Variants in SLC30A10 observed in about 807,000 individuals in gnomAD.
SLC30A10 encodes the protein solute carrier family 30 member 10, also known as calcium/manganese antiporter SLC30A10.
Under a neutral mutation model 21.7 loss-of-function variants are expected in SLC30A10, and 8 were observed. That is an observed-to-expected ratio of 0.37 (90% CI 0.22 to 0.67). The LOEUF is 0.67. Ranked by LOEUF, SLC30A10 falls within the 30% of genes least tolerant of loss-of-function variation. SLC30A10 has a pLI of 0.58. For synonymous variants in SLC30A10, 272 were observed against 279.4 expected (o/e 0.97, Z 0.26); for missense variants, 521 against 642.5 (o/e 0.81, Z 2.04).
chr1:219,953,832 G>A (rs1000410003), intron 1 of SLC30A10, among the ~76,000 whole-genome samples: 3 of 150,766 alleles, frequency 2.0e-5, no homozygotes, highest in African/African-American at 7.3e-5. Flanking sequence ...TCAGCCTCCC[G>A]AGTAGCTGGG....
intron 1 of SLC30A10, among the ~76,000 whole-genome samples, chr1:219,949,271 G>A (rs1391945493): frequency 6.6e-6 from 1 of 151,778 alleles, no homozygotes; most frequent in Non-Finnish European, 1.5e-5. Flanking sequence ...ATACCCAAAG[G>A]ACTATAAATC....
intron 1 of SLC30A10, among the ~76,000 whole-genome samples, chr1:219,956,675 A>G (rs950632495): frequency 1.3e-4 from 20 of 151,822 alleles, no homozygotes; most frequent in Admixed American, 5.3e-4. Flanking sequence ...AAAAAAAAAA[A>G]AAGAAGAAAA....
In SLC30A10 at chr1:219,937,878, T is replaced by G. The variant is rs183108726; in HGVS notation, n.81-10773A>C. ...CTTCTAGCTCACTGATGGTTTTCAG[T>G]GGTGCTTATTTTATGCCTCACTGCT... On this transcript the variant is annotated intron_variant and non_coding_transcript_variant, in intron 1 of 8. Transcript: ENST00000484239. Among the ~76,000 whole-genome samples the G allele has an allele frequency of 2.6e-5, 4 of 152,328 alleles. No individual in the cohort carries two copies. In the East Asian group the frequency reaches 7.7e-4, roughly 29 times the overall value.
Position 219,928,141 on chromosome 1 carries a change from G to A in SLC30A10, c.300C>T (p.Ala100=). ...GCTCGGGCCGGGCCAGGCGCAGCAC[G>A]GCCTCCACGAAGATGGTGAAGCAGA... is the stretch of plus-strand genomic sequence containing the variant. The part of the protein sequence containing the change: ...TALCFTIFVE[A]VLRLARPERI... The change falls in exon 1 of 4, where the codon GCC becomes GCT. Residue 100 remains alanine (A), a synonymous_variant. Coordinates refer to ENST00000366926, the MANE Select transcript of SLC30A10 (RefSeq NM_018713.3). The surrounding 1 kb of genome is among the most constrained non-coding windows in gnomAD (Gnocchi z 6.3). The A allele has an allele frequency of 6.4e-7, 1 of 1,562,810 alleles. No homozygotes were observed. The highest frequency in any genetic ancestry group is 8.7e-7 in the Non-Finnish European group (1 of 1,154,024).
At chr1:219,951,324 CTT>C (rs1480479978) in intron 1 of SLC30A10, among the ~76,000 whole-genome samples, 1 of 151,964 alleles carries the variant, frequency 6.6e-6, no homozygotes, top group East Asian at 1.9e-4. Context: ...GCTTAAGTAT[CTT>C]TTCCAGTGTC....
At chr1:219,917,673 A>T (rs1313398788) in intron 3 of SLC30A10, among the ~76,000 whole-genome samples, 1 of 144,732 alleles carries the variant, frequency 6.9e-6, no homozygotes, top group Non-Finnish European at 1.5e-5. Context: ...AATAGGTATT[A>T]TCCAAGCATT....
At position 219,927,658 on chromosome 1, in the gene SLC30A10, A is replaced by C. The variant is rs1268383831; in HGVS notation, c.640+143T>G. 1.9e-4 allele frequency: 115 copies of C among 589,860 alleles called. No homozygotes were observed. The East Asian group carries it at 3.4e-3, about 18-fold the overall frequency. The allele number at this position is 589,860 out of a possible 1,614,324, so 36.5% of individuals were successfully genotyped here. ...TTTATTAAAAAAAAAAAAAAAAAAA[A>C]AAAAAAAAAACAACAACAACAAAAA... On this transcript the variant is annotated intron_variant, in intron 1 of 3. Transcript: ENST00000366926.
At chr1:219,955,622 T>C (rs941107416) in intron 1 of SLC30A10, among the ~76,000 whole-genome samples, 2 of 152,120 alleles carry the variant, frequency 1.3e-5, no homozygotes, top group African/African-American at 4.8e-5. Context: ...ATCTCAAACA[T>C]CAAATATTAT....
chr1:219,934,686 T>C (rs1660023911), intron 1 of SLC30A10, among the ~76,000 whole-genome samples: 2 of 152,170 alleles, frequency 1.3e-5, no homozygotes, highest in African/African-American at 4.8e-5. Context: ...CCATGAGATA[T>C]GGAATGATAA....
chr1:219,938,507 A>G (rs1401816446), intron 1 of SLC30A10, among the ~76,000 whole-genome samples: 3 of 152,206 alleles, frequency 2.0e-5, no homozygotes, highest in African/African-American at 7.2e-5. Flanking sequence ...CAATCCTGCT[A>G]CATGAGAGAA....
chr1:219,935,062 T>A (rs1660028918), intron 1 of SLC30A10, among the ~76,000 whole-genome samples: 1 of 152,122 alleles, frequency 6.6e-6, no homozygotes, highest in East Asian at 1.9e-4. Context: ...CTGATATCAT[T>A]TGGGGTCTGA....
At position 219,912,445 on chromosome 1, in the gene SLC30A10, A is replaced by G. The variant is rs2102521836; in HGVS notation, c.*3004T>C. Among the ~76,000 whole-genome samples, 1 of 152,334 alleles carries G rather than the reference A, an allele frequency of 6.6e-6. No individual in the cohort carries two copies. The highest frequency in any genetic ancestry group is 2.4e-5 in the African/African-American group (1 of 41,578). On this transcript the variant is annotated 3_prime_UTR_variant, in exon 4 of 4. Coordinates refer to ENST00000366926, the MANE Select transcript of SLC30A10 (RefSeq NM_018713.3). Reference sequence around the variant, plus strand: ...TGTGGAAAGGACTGTTTCTGTAGAAACAGAAGTGCAGTAGGGCCGTGTAGA... The same window carrying G: ...TGTGGAAAGGACTGTTTCTGTAGAAGCAGAAGTGCAGTAGGGCCGTGTAGA...
rs59792236 is a variant in SLC30A10 at position 219,912,170 on chromosome 1, C to CAAAAAAAAAAAAAAAAAAAAAAAAAAAAA, written c.*3278_*3279insTTTTTTTTTTTTTTTTTTTTTTTTTTTTT. On this transcript the variant is annotated 3_prime_UTR_variant, in exon 4 of 4. Coordinates refer to ENST00000366926, the MANE Select transcript of SLC30A10 (RefSeq NM_018713.3). ...CCACTGGAATTTGCTCTACCAATGG[C>CAAAAAAAAAAAAAAAAAAAAAAAAAAAAA]AAAAAAAAAAAAAAAAAAAAAAAAA... 1.3e-5 allele frequency among the ~76,000 whole-genome samples: 1 copy of CAAAAAAAAAAAAAAAAAAAAAAAAAAAAA among 74,698 alleles called. No homozygotes were observed. Among genetic ancestry groups the CAAAAAAAAAAAAAAAAAAAAAAAAAAAAA allele is most frequent in the Non-Finnish European group, 2.5e-5 (1 of 39,910 alleles). 49.0% of individuals were successfully genotyped at this position (74,698 alleles called of 152,430 possible). A position where few individuals can be genotyped will look rare whatever the true frequency, so the allele number is the denominator to read the frequency against.
At chr1:219,932,839 A>G (rs1020834538), upstream of SLC30A10, among the ~76,000 whole-genome samples, 3 of 150,286 alleles carry the variant, frequency 2.0e-5, no homozygotes, top group African/African-American at 7.3e-5. Flanking sequence ...AGGTGGGCGC[A>G]TCACCTTAGG....
chr1:219,911,418 T>G lies in SLC30A10; in HGVS notation c.*4031A>C, dbSNP rs1380874905. 2.0e-5 allele frequency among the ~76,000 whole-genome samples: 3 copies of G among 151,936 alleles called. No individual in the cohort carries two copies. Among genetic ancestry groups the G allele is most frequent in the African/African-American group, 7.3e-5 (3 of 41,376 alleles). ...TCGATCATTTTAAATATGAAGGAGA[T>G]TTAAACATCTCAACCCCATGAATCA... On this transcript the variant is annotated 3_prime_UTR_variant, in exon 4 of 4. Coordinates refer to ENST00000366926, the MANE Select transcript of SLC30A10 (RefSeq NM_018713.3).
chr1:219,951,215 C>A (rs577060440), intron 1 of SLC30A10, among the ~76,000 whole-genome samples: 150 of 152,012 alleles, frequency 9.9e-4, no homozygotes, highest in Middle Eastern at 3.4e-3. Flanking sequence ...CCCACTTCAG[C>A]CTCCCAAAGT....
At position 219,911,249 on chromosome 1, in the gene SLC30A10, CT is replaced by C. The variant is rs1361750581; in HGVS notation, c.*4199del. ...TTAAAATCAGGAAATGTATTTTGCT[CT>C]CTTGAAGAAAATAGATATGATTTGG... On this transcript the variant is annotated 3_prime_UTR_variant, in exon 4 of 4. Coordinates refer to ENST00000366926, the MANE Select transcript of SLC30A10 (RefSeq NM_018713.3). Among the ~76,000 whole-genome samples, 2 of 138,764 alleles carry C rather than the reference CT, an allele frequency of 1.4e-5. No individual in the cohort carries two copies. The highest frequency in any genetic ancestry group is 7.9e-5 in the Admixed American group (1 of 12,580). The allele number at this position is 138,764 out of a possible 152,430, so 91.0% of individuals were successfully genotyped here. A position where few individuals can be genotyped will look rare whatever the true frequency, so the allele number is the denominator to read the frequency against.
intron 1 of SLC30A10, among the ~76,000 whole-genome samples, chr1:219,954,154 G>A (rs946252541): frequency 7.9e-5 from 12 of 151,850 alleles, no homozygotes; most frequent in African/African-American, 2.7e-4. Flanking sequence ...TTGTTTCAGC[G>A]GCTACAGGAC....
At position 219,911,973 on chromosome 1, in the gene SLC30A10, C is replaced by T. The variant is rs962682563; in HGVS notation, c.*3476G>A. 3.3e-5 allele frequency among the ~76,000 whole-genome samples: 5 copies of T among 151,978 alleles called. No homozygotes were observed. The highest frequency in any genetic ancestry group is 1.2e-4 in the African/African-American group (5 of 41,362). ...CCACACATCAGGAGCAAGAACACAT[C>T]CAATTCAAAATGTCAGTAATGCCAA... is the stretch of plus-strand genomic sequence containing the variant. On this transcript the variant is annotated 3_prime_UTR_variant, in exon 4 of 4. Coordinates refer to ENST00000366926, the MANE Select transcript of SLC30A10 (RefSeq NM_018713.3).
Sources: gnomAD v4.1 joint callset for allele counts (sites outside exome capture counted in the v4.1 genomes callset) on GRCh38, gnomAD v4.1.1 for gene constraint, Gnocchi (gnomAD v3.1) non-coding constraint, MANE v1.5 for transcripts, NCBI Gene and HGNC (gene_info 2026-07-23, HGNC 2026-07-21) for gene names.